The following C2orf76 variants were observed in gnomAD, a reference collection of about 807,000 sequenced individuals.
C2orf76 encodes the protein chromosome 2 open reading frame 76, also known as UPF0538 protein C2orf76.
In C2orf76, 23 loss-of-function variants were observed where a neutral mutation model predicts 16.9. The ratio of observed to expected loss-of-function variants is 1.36; its 90% confidence interval spans 0.98 to 1.93. The LOEUF is 1.93. C2orf76 is among the 30% of genes most tolerant of loss of function. The pLI, the probability that C2orf76 is intolerant of heterozygous loss-of-function variation, is 0.00. For synonymous variants in C2orf76, 48 were observed against 52.3 expected, an observed-to-expected ratio of 0.92 and a Z score of 0.35; for missense variants, 152 against 152.6, an observed-to-expected ratio of 1.00 and a Z score of 0.02.
In C2orf76 at chr2:119,350,069, G is replaced by GCCCC. The variant is rs1213961999; in HGVS notation, c.-12-10102_-12-10099dup. On this transcript the variant is annotated intron_variant, in intron 1 of 5. Coordinates refer to ENST00000334816, the MANE Select transcript of C2orf76 (RefSeq NM_001322331.2). ...TGAGCCACCACGCCCCGCCCACACCGCCCCCCGCCCCCCCACCGTCCCGCG... is the reference window on the plus strand; with the variant it reads ...TGAGCCACCACGCCCCGCCCACACCGCCCCCCCCCCGCCCCCCCACCGTCCCGCG... Among the ~76,000 whole-genome samples the GCCCC allele has an allele frequency of 1.5e-3, 42 of 28,552 alleles. 1 individual carries two copies. The highest frequency in any genetic ancestry group is 5.7e-3 in the African/African-American group (37 of 6,478). 18.7% of individuals were successfully genotyped at this position (28,552 alleles called of 152,430 possible).
intron 2 of C2orf76, among the ~76,000 whole-genome samples, chr2:119,321,572 G>GT (rs549691733): frequency 1.3e-5 from 2 of 152,142 alleles, no homozygotes; most frequent in South Asian, 4.2e-4. Context: ...ATTCACTACC[G>GT]TAAGAACAGC....
intron 2 of C2orf76, among the ~76,000 whole-genome samples, chr2:119,326,111 T>C (rs575909170): frequency 6.6e-6 from 1 of 152,388 alleles, no homozygotes; most frequent in South Asian, 2.1e-4. Context: ...TTTTTGCTTT[T>C]ATAGTTTATG....
chr2:119,318,151 G>GAAAT (rs1679233734), intron 3 of C2orf76, among the ~76,000 whole-genome samples: 1 of 152,146 alleles, frequency 6.6e-6, no homozygotes, highest in African/African-American at 2.4e-5. Context: ...TGCACTTCCA[G>GAAAT]TAAGTAATTT....
chr2:119,314,289 C>T (rs992674715), intron 4 of C2orf76, among the ~76,000 whole-genome samples: 10 of 151,990 alleles, frequency 6.6e-5, no homozygotes, highest in Admixed American at 4.6e-4. Context: ...GTACCCAGGA[C>T]CCAACTTGAA....
chr2:119,281,971 G>A, the C2orf76 span, among the ~76,000 whole-genome samples: 1 of 151,964 alleles, frequency 6.6e-6, no homozygotes, highest in Non-Finnish European at 1.5e-5. Context: ...GAAAGTTCTG[G>A]AAAGGCCATT....
At chr2:119,288,157 A>C in the C2orf76 span, among the ~76,000 whole-genome samples, 18 of 84,922 alleles carry the variant, frequency 2.1e-4, no homozygotes, top group African/African-American at 1.2e-3. Context: ...ATTATACTTC[A>C]ATTTTTTTTT....
intron 5 of C2orf76, 75 bp from the exon 6 acceptor site, chr2:119,302,623 G>T: frequency 1.1e-6 from 1 of 870,168 alleles, no homozygotes; most frequent in South Asian, 2.5e-5. Flanking sequence ...AAATCCATAT[G>T]ACTTTGATTC....
At chr2:119,282,125 A>C in the C2orf76 span, among the ~76,000 whole-genome samples, 1 of 151,584 alleles carries the variant, frequency 6.6e-6, no homozygotes, top group Non-Finnish European at 1.5e-5. Flanking sequence ...CAGCCTGGGC[A>C]ACAGAGCCAG....
chr2:119,297,511 G>T (rs143561684), downstream of C2orf76, among the ~76,000 whole-genome samples: 178 of 152,262 alleles, frequency 1.2e-3, 2 homozygotes, highest in African/African-American at 4.2e-3. Flanking sequence ...TCAGAATTTT[G>T]TTGTTGTTGT....
intron 5 of C2orf76, among the ~76,000 whole-genome samples, chr2:119,309,998 A>T (rs557022431): frequency 6.6e-6 from 1 of 152,350 alleles, no homozygotes; most frequent in South Asian, 2.1e-4. Flanking sequence ...GAGATGAGAT[A>T]CGAGTTTGAA....
chr2:119,347,602 G>A (rs1250296073), intron 1 of C2orf76, among the ~76,000 whole-genome samples: 2 of 152,084 alleles, frequency 1.3e-5, no homozygotes, highest in Non-Finnish European at 2.9e-5. Context: ...ACCAAGCATG[G>A]TGGCCCACGC....
chr2:119,364,819 C>T (rs1680871797), intron 1 of C2orf76, among the ~76,000 whole-genome samples: 2 of 152,274 alleles, frequency 1.3e-5, no homozygotes, highest in Admixed American at 6.5e-5. Flanking sequence ...TGGCTCACAC[C>T]TGTACTCCCA....
intron 5 of C2orf76, among the ~76,000 whole-genome samples, chr2:119,302,977 TATA>T (rs1480903126): frequency 6.6e-6 from 1 of 151,812 alleles, no homozygotes; most frequent in South Asian, 2.1e-4. Context: ...AGCCTGTAGG[TATA>T]ATAATTTAAT....
intron 1 of C2orf76, among the ~76,000 whole-genome samples, chr2:119,357,010 C>T (rs1273284970): frequency 6.6e-6 from 1 of 151,720 alleles, no homozygotes; most frequent in African/African-American, 2.4e-5. Flanking sequence ...TTTAAGAACT[C>T]CCAAGAAAGA....
intron 1 of C2orf76, among the ~76,000 whole-genome samples, chr2:119,350,803 G>A (rs1035516808): frequency 6.6e-6 from 1 of 152,178 alleles, no homozygotes; most frequent in South Asian, 2.1e-4. Context: ...CCCTTCCCAA[G>A]CTGGCTGGTC....
chr2:119,314,514 T>G (rs1159779245), intron 4 of C2orf76, among the ~76,000 whole-genome samples: 1 of 152,196 alleles, frequency 6.6e-6, no homozygotes, highest in Non-Finnish European at 1.5e-5. Flanking sequence ...TACATTCAAT[T>G]TCCATATTTG....
chr2:119,366,921 G>A (rs1268350942), upstream of C2orf76: 3 of 1,195,236 alleles, frequency 2.5e-6, no homozygotes, highest in Non-Finnish European at 3.6e-6. Context: ...TTGGCTTTCC[G>A]GTGCTCGCCC....
downstream of C2orf76, among the ~76,000 whole-genome samples, chr2:119,299,851 A>G (rs1052882754): frequency 4.6e-5 from 7 of 152,198 alleles, no homozygotes; most frequent in Admixed American, 4.6e-4. Flanking sequence ...AACAAATGGA[A>G]TATGTTTTAA....
intron 1 of C2orf76, among the ~76,000 whole-genome samples, chr2:119,356,973 T>C (rs1680589950): frequency 1.3e-5 from 2 of 151,872 alleles, no homozygotes; most frequent in Admixed American, 1.3e-4. Context: ...AATAGCCCTA[T>C]AACTATTAAG....
Sources: allele counts gnomAD v4.1 joint callset (sites outside exome capture counted in the v4.1 genomes callset), GRCh38; gene constraint gnomAD v4.1.1; transcripts MANE v1.5; gene names NCBI Gene and HGNC (gene_info 2026-07-23, HGNC 2026-07-21).